The following ARID1B variants were observed in gnomAD, a reference collection of about 807,000 sequenced individuals.
The protein encoded by ARID1B is AT-rich interaction domain 1B.
ARID1B carries 30 observed loss-of-function variants against 212.3 expected under a neutral mutation model. That is an observed-to-expected ratio of 0.14 (90% CI 0.11 to 0.19). The LOEUF is 0.19. ARID1B is among the 10% of genes least tolerant of loss of function. The pLI, the probability that ARID1B is intolerant of heterozygous loss-of-function variation, is 1.00. For synonymous variants in ARID1B, 1,402 were observed against 1,301.7 expected (o/e 1.08, Z -1.66); for missense variants, 2,891 against 3,204.0 (o/e 0.90, Z 2.36).
At chr6:157,121,656 G>A (rs1227214328) in intron 6 of ARID1B, among the ~76,000 whole-genome samples, 3 of 139,168 alleles carry the variant, frequency 2.2e-5, no homozygotes, top group Non-Finnish European at 3.1e-5. Flanking sequence ...TTGCTGAGAC[G>A]GAGTTTCACT....
At chr6:156,854,447 G>A (rs949161323) in intron 2 of ARID1B, among the ~76,000 whole-genome samples, 1 of 152,246 alleles carries the variant, frequency 6.6e-6, no homozygotes, top group Non-Finnish European at 1.5e-5. Context: ...AGCAGGGGTA[G>A]GGGCTTGTCC....
Position 156,784,374 on chromosome 6 carries a change from A to G in ARID1B, c.1791+4903A>G, listed in dbSNP as rs114183421. Among the ~76,000 whole-genome samples, 1,390 of 152,278 alleles carry G rather than the reference A, an allele frequency of 9.1e-3. 19 individuals carry two copies. Among genetic ancestry groups the G allele is most frequent in the African/African-American group, 0.032 (1,318 of 41,562 alleles). ...TATCATAGATGTAGAACTATTATAA[A>G]TATCTTTTCTCTAGCTTGGAGGCTA... On this transcript the variant is annotated intron_variant, in intron 1 of 19. Coordinates refer to ENST00000636930, the MANE Select transcript of ARID1B (RefSeq NM_001374828.1).
chr6:157,055,851 C>G (rs1782924361), intron 4 of ARID1B, among the ~76,000 whole-genome samples: 1 of 152,246 alleles, frequency 6.6e-6, no homozygotes, highest in East Asian at 1.9e-4. Flanking sequence ...GGCTGGAGTT[C>G]TAAGGTTCCC....
chr6:157,111,379 G>T (rs1217390879), intron 6 of ARID1B: 1 of 152,180 alleles, frequency 6.6e-6, no homozygotes, highest in Non-Finnish European at 1.5e-5. Flanking sequence ...GGTACAAGAA[G>T]CCTACCTGTG....
chr6:156,866,632 G>A (rs1374696820), intron 2 of ARID1B, among the ~76,000 whole-genome samples: 2 of 152,094 alleles, frequency 1.3e-5, no homozygotes, highest in Admixed American at 1.3e-4. Flanking sequence ...AGTCTCTTTA[G>A]GTTAAAAATA....
At chr6:157,122,421 CCT>C (rs1316528393) in intron 6 of ARID1B, among the ~76,000 whole-genome samples, 1 of 152,190 alleles carries the variant, frequency 6.6e-6, no homozygotes, top group Non-Finnish European at 1.5e-5. Flanking sequence ...CACCACTACC[CCT>C]GTCTTTAGCT....
chr6:156,818,606 C>G (rs1342816394), intron 1 of ARID1B, among the ~76,000 whole-genome samples: 4 of 152,108 alleles, frequency 2.6e-5, no homozygotes, highest in Non-Finnish European at 5.9e-5. Context: ...GCTTAGAGCA[C>G]TTCAATAATT....
At chr6:157,067,873 T>C (rs769357514) in intron 4 of ARID1B, among the ~76,000 whole-genome samples, 1 of 152,342 alleles carries the variant, frequency 6.6e-6, no homozygotes, top group East Asian at 1.9e-4. Context: ...AGCTTCTCCA[T>C]AGGTGGAGTT....
chr6:156,983,454 G>A (rs922435057), intron 4 of ARID1B, among the ~76,000 whole-genome samples: 1 of 152,216 alleles, frequency 6.6e-6, no homozygotes, highest in African/African-American at 2.4e-5. Context: ...AGCTGGGCAT[G>A]TGGACAGGTA....
Position 156,994,767 on chromosome 6 carries a change from C to T in ARID1B, c.2247+59191C>T, listed in dbSNP as rs561087995. 9.2e-5 allele frequency among the ~76,000 whole-genome samples: 14 copies of T among 152,230 alleles called. No individual in the cohort carries two copies. The South Asian group carries it at 1.9e-3, about 20-fold the overall frequency. Reference sequence around the variant, plus strand: ...GAAGACTCAGTCCAGCCCAGGGCTGCCTAGGATTGTCCTCCACCAGTGGAC... The same window carrying T: ...GAAGACTCAGTCCAGCCCAGGGCTGTCTAGGATTGTCCTCCACCAGTGGAC... On this transcript the variant is annotated intron_variant, in intron 4 of 19. Coordinates refer to ENST00000636930, the MANE Select transcript of ARID1B (RefSeq NM_001374828.1).
chr6:157,021,529 C>G (rs1209218282), intron 4 of ARID1B, among the ~76,000 whole-genome samples: 3 of 152,316 alleles, frequency 2.0e-5, no homozygotes, highest in Middle Eastern at 3.4e-3. Context: ...CTCCCTACCC[C>G]GCACGTAGGC....
intron 4 of ARID1B, among the ~76,000 whole-genome samples, chr6:156,978,093 G>A (rs560089696): frequency 1.3e-5 from 2 of 152,306 alleles, no homozygotes; most frequent in South Asian, 2.1e-4. Flanking sequence ...TGACTCTGCC[G>A]AGTATGGGAG....
chr6:157,144,337 T>C (rs1421045936), intron 7 of ARID1B, among the ~76,000 whole-genome samples: 3 of 152,204 alleles, frequency 2.0e-5, no homozygotes. Flanking sequence ...AAAACAAGAC[T>C]AAAACGTTAT....
intron 19 of ARID1B, chr6:157,204,386 T>C: frequency 6.3e-6 from 1 of 159,438 alleles, no homozygotes; most frequent in Admixed American, 6.1e-5. Context: ...GACATAACCC[T>C]GCTTTCCAGG....
intron 11 of ARID1B, chr6:157,175,898 A>G (rs1792067710): frequency 1.3e-5 from 2 of 152,280 alleles, no homozygotes; most frequent in South Asian, 4.1e-4. Flanking sequence ...TTACTTGCCA[A>G]GAAGGCTTAA....
At chr6:157,173,803 T>C in intron 9 of ARID1B, 1 of 483,986 alleles carries the variant, frequency 2.1e-6, no homozygotes, top group South Asian at 3.6e-5. Flanking sequence ...CTGCCCTTTT[T>C]TTTAGATAAA....
chr6:156,823,741 G>T (rs1340035705), intron 1 of ARID1B, among the ~76,000 whole-genome samples: 2 of 124,684 alleles, frequency 1.6e-5, no homozygotes, highest in African/African-American at 3.0e-5. Flanking sequence ...TGAAGGAATT[G>T]GGCTGAAAAA....
rs1220933824 is a variant in ARID1B, at chr6:156,856,720, A to T, written c.1986+27299A>T. Among the ~76,000 whole-genome samples the T allele has an allele frequency of 3.3e-3, 449 of 137,258 alleles. 2 individuals are homozygous for T. The highest frequency in any genetic ancestry group is 0.011 in the African/African-American group (422 of 38,348). 90.0% of individuals were successfully genotyped at this position (137,258 alleles called of 152,430 possible). A position where few individuals can be genotyped will look rare whatever the true frequency, so the allele number is the denominator to read the frequency against. On this transcript the variant is annotated intron_variant, in intron 2 of 19. Transcript: ENST00000636930. ...CTCTCTCACACACACACACACACAC[A>T]CACACACACACACACACACACAAAC... is the stretch of plus-strand genomic sequence containing the variant.
chr6:156,857,955 A>G (rs1293523871), intron 2 of ARID1B, among the ~76,000 whole-genome samples: 2 of 152,246 alleles, frequency 1.3e-5, no homozygotes, highest in African/African-American at 2.4e-5. Context: ...CATAGAAAAG[A>G]TACAGTAAAA....
Sources: allele counts gnomAD v4.1 joint callset (sites outside exome capture counted in the v4.1 genomes callset), GRCh38; gene constraint gnomAD v4.1.1; transcripts MANE v1.5; gene names NCBI Gene and HGNC (gene_info 2026-07-23, HGNC 2026-07-21).